ABTB3: variants seen among roughly 807,000 people sequenced by gnomAD.
The protein encoded by ABTB3 is ankyrin repeat and BTB domain containing 3.
chr12:107,598,005 A>G, the ABTB3 span, among the ~76,000 whole-genome samples: 1 of 152,230 alleles, frequency 6.6e-6, no homozygotes, highest in East Asian at 1.9e-4. Context: ...ATTATTGACT[A>G]TGTTGCCTTT....
chr12:107,542,489 G>C, the ABTB3 span, among the ~76,000 whole-genome samples: 7 of 152,042 alleles, frequency 4.6e-5, no homozygotes, highest in Admixed American at 4.6e-4. Flanking sequence ...AAAAAGAAAG[G>C]CTCCATTTGA....
At chr12:107,637,829 T>TGG in the ABTB3 span, among the ~76,000 whole-genome samples, 1 of 125,840 alleles carries the variant, frequency 7.9e-6, no homozygotes, top group Admixed American at 8.7e-5. Context: ...TGTGTGTGTG[T>TGG]GTGTGGTATG....
chr12:107,549,046 C>T, the ABTB3 span, among the ~76,000 whole-genome samples: 203 of 152,282 alleles, frequency 1.3e-3, no homozygotes, highest in African/African-American at 4.8e-3. Flanking sequence ...AGAATTTATT[C>T]CTAGGTAGTG....
chr12:107,616,233 G>A, the ABTB3 span, among the ~76,000 whole-genome samples: 1 of 152,194 alleles, frequency 6.6e-6, no homozygotes, highest in Admixed American at 6.5e-5. Flanking sequence ...ATCAGGAATG[G>A]GAACAGTAAG....
At chr12:107,341,883 C>G in the ABTB3 span, among the ~76,000 whole-genome samples, 2 of 152,078 alleles carry the variant, frequency 1.3e-5, no homozygotes, top group African/African-American at 4.8e-5. Context: ...TGCTTGCTTC[C>G]GCTTTTGCCA....
the ABTB3 span, among the ~76,000 whole-genome samples, chr12:107,347,713 G>T: frequency 6.6e-6 from 1 of 152,098 alleles, no homozygotes; most frequent in Non-Finnish European, 1.5e-5. Flanking sequence ...TTTCATCATT[G>T]GTCAAGGCAG....
At chr12:107,372,435 A>T in the ABTB3 span, among the ~76,000 whole-genome samples, 1 of 152,308 alleles carries the variant, frequency 6.6e-6, no homozygotes, top group African/African-American at 2.4e-5. Context: ...GCCAAAATTC[A>T]ATTCAACTTG....
the ABTB3 span, among the ~76,000 whole-genome samples, chr12:107,468,437 A>T: frequency 6.6e-6 from 1 of 152,170 alleles, no homozygotes; most frequent in Non-Finnish European, 1.5e-5. Context: ...GAAGTTGCAG[A>T]TAGCCAGGGA....
At chr12:107,479,136 C>A in the ABTB3 span, among the ~76,000 whole-genome samples, 1 of 152,142 alleles carries the variant, frequency 6.6e-6, no homozygotes, top group Non-Finnish European at 1.5e-5. Context: ...TTCAGTCCTG[C>A]AGAGTGGTAG....
At chr12:107,373,887 A>G in the ABTB3 span, among the ~76,000 whole-genome samples, 3 of 152,214 alleles carry the variant, frequency 2.0e-5, no homozygotes, top group Non-Finnish European at 2.9e-5. Flanking sequence ...CTGAATGCAC[A>G]GCCCAGCAAA....
chr12:107,389,844 GTT>G, the ABTB3 span, among the ~76,000 whole-genome samples: 748 of 62,844 alleles, frequency 0.012, 4 homozygotes, highest in African/African-American at 0.031. Context: ...ATGTGTGTGT[GTT>G]TGTGTGTGTG....
At chr12:107,638,332 C>A in the ABTB3 span, among the ~76,000 whole-genome samples, 19 of 152,270 alleles carry the variant, frequency 1.2e-4, no homozygotes, top group African/African-American at 4.3e-4. Flanking sequence ...CAAGTTACAG[C>A]AGTCTGGGGA....
the ABTB3 span, among the ~76,000 whole-genome samples, chr12:107,349,925 C>T: frequency 6.6e-6 from 1 of 152,140 alleles, no homozygotes; most frequent in Non-Finnish European, 1.5e-5. Context: ...CATTTGAGCT[C>T]CTAAGAATCC....
chr12:107,656,716 A>T, the ABTB3 span, among the ~76,000 whole-genome samples: 1 of 152,260 alleles, frequency 6.6e-6, no homozygotes, highest in Non-Finnish European at 1.5e-5. Context: ...ACTTGTGCCG[A>T]ATGACACTAA....
the ABTB3 span, among the ~76,000 whole-genome samples, chr12:107,401,591 G>T: frequency 1.3e-5 from 2 of 152,186 alleles, no homozygotes; most frequent in Non-Finnish European, 2.9e-5. Flanking sequence ...AAATTTAAAG[G>T]CTGGTGCTTG....
At chr12:107,474,084 G>A in the ABTB3 span, among the ~76,000 whole-genome samples, 1 of 152,142 alleles carries the variant, frequency 6.6e-6, no homozygotes, top group Non-Finnish European at 1.5e-5. Context: ...GCACCCAGCC[G>A]AGGCCATTTC....
chr12:107,652,439 G>A, the ABTB3 span, among the ~76,000 whole-genome samples: 1 of 152,208 alleles, frequency 6.6e-6, no homozygotes, highest in African/African-American at 2.4e-5. Flanking sequence ...GCCTCTGGGA[G>A]TAGAACCTGG....
the ABTB3 span, among the ~76,000 whole-genome samples, chr12:107,494,728 G>A: frequency 6.6e-6 from 1 of 152,048 alleles, no homozygotes; most frequent in African/African-American, 2.4e-5. Context: ...CACAGCCCTC[G>A]CCACCTCCCT....
At chr12:107,432,652 A>T in the ABTB3 span, among the ~76,000 whole-genome samples, 87 of 152,344 alleles carry the variant, frequency 5.7e-4, no homozygotes, top group Admixed American at 4.0e-3. Flanking sequence ...ACTCTGATTC[A>T]GGCCATGGGC....
Sources: gnomAD v4.1 joint callset for allele counts (sites outside exome capture counted in the v4.1 genomes callset) on GRCh38, gnomAD v4.1.1 for gene constraint, MANE v1.5 for transcripts, NCBI Gene and HGNC (gene_info 2026-07-23, HGNC 2026-07-21) for gene names.